The following FGFR3 variants were observed in gnomAD, a reference collection of about 807,000 sequenced individuals.
FGFR3 encodes FGFR-3.
FGFR3 carries 25 observed loss-of-function variants against 82.9 expected under a neutral mutation model. That is an observed-to-expected ratio of 0.30 (90% CI 0.22 to 0.42). The LOEUF (loss-of-function observed/expected upper bound fraction) is 0.42. Among genes scored for constraint, FGFR3 ranks in the 10% least tolerant of loss-of-function variants. FGFR3 has a pLI of 1.00. For synonymous variants in FGFR3, 620 were observed against 516.0 expected, an observed-to-expected ratio of 1.20 and a Z score of -2.73; for missense variants, 1,026 against 1,161.0, an observed-to-expected ratio of 0.88 and a Z score of 1.69.
intron 8 of FGFR3, among the ~76,000 whole-genome samples, 172 bp from the exon 9 acceptor site, chr4:1,804,158 C>T (rs1247116322): frequency 2.0e-5 from 3 of 152,226 alleles, no homozygotes; most frequent in African/African-American, 7.2e-5. Flanking sequence ...CAGGGTCTGG[C>T]CCTCTAGACT....
Position 1,806,299 on chromosome 4 carries a change from G to T in FGFR3, c.2002G>T (p.Asp668Tyr), listed in dbSNP as rs2108808990. The T allele has an allele frequency of 6.6e-7, 1 of 1,524,652 alleles. No homozygotes were observed. The highest frequency in any genetic ancestry group is 1.2e-5 in the South Asian group (1 of 80,588). 94.4% of individuals were successfully genotyped at this position (1,524,652 alleles called of 1,614,324 possible). A position where few individuals can be genotyped will look rare whatever the true frequency, so the allele number is the denominator to read the frequency against. The change falls in exon 15 of 18, where the codon GAC becomes TAC. Residue 668 changes from aspartate to tyrosine, a missense_variant. Asp to Tyr is a radical substitution (Grantham distance 160, BLOSUM62 -3). This residue lies in a region of FGFR3 where 45 missense variants were observed against 80.8 expected (regional missense o/e 0.56). Transcript: ENST00000440486. Reference protein sequence around the residue: ...VKWMAPEALFDRVYTHQSDVW... With the variant: ...VKWMAPEALFYRVYTHQSDVW... Reference sequence around the variant, plus strand: ...GTGGATGGCGCCTGAGGCCTTGTTTGACCGAGTCTACACTCACCAGAGTGA... The same window carrying T: ...GTGGATGGCGCCTGAGGCCTTGTTTTACCGAGTCTACACTCACCAGAGTGA...
At chr4:1,799,937 G>T (rs1024370044) in intron 4 of FGFR3, 125 bp downstream of exon 4, 47 of 1,071,664 alleles carry the variant, frequency 4.4e-5, no homozygotes, top group Non-Finnish European at 5.7e-5. Context: ...CACCCCGAAG[G>T]TCTGGTCCCC....
rs1577299048 is a variant in FGFR3 at position 1,807,911 on chromosome 4, A to G, written c.*649A>G. 3.4e-6 allele frequency: 1 copy of G among 293,516 alleles called. No individual in the cohort carries two copies. Among genetic ancestry groups the G allele is most frequent in the Non-Finnish European group, 6.5e-6 (1 of 153,356 alleles). The allele number at this position is 293,516 out of a possible 1,614,324, so 18.2% of individuals were successfully genotyped here. ...GTATATGGTATATATACATATATAT[A>G]TATAACATATATGGAAGAGGAAAAG... On this transcript the variant is annotated 3_prime_UTR_variant, in exon 18 of 18. Coordinates refer to ENST00000440486, the MANE Select transcript of FGFR3 (RefSeq NM_000142.5).
chr4:1,803,508 G>T (rs888914740), intron 7 of FGFR3, among the ~76,000 whole-genome samples, 184 bp from the exon 8 acceptor site: 4 of 152,374 alleles, frequency 2.6e-5, no homozygotes, highest in Middle Eastern at 3.4e-3. Context: ...CCTGGCTTCG[G>T]GCTCAGTACC....
At chr4:1,793,504 A>T (rs1156706001) in intron 1 of FGFR3, 39 bp downstream of exon 1, 1 of 148,676 alleles carries the variant, frequency 6.7e-6, no homozygotes, top group African/African-American at 2.5e-5. Context: ...GGAGGGGTCC[A>T]ACGGTGCTCG....
rs775140035 is a variant in FGFR3, at chr4:1,802,076, C to T, written c.930+51C>T. 6 of 1,567,776 alleles carry T rather than the reference C, an allele frequency of 3.8e-6. No homozygotes were observed. In the African/African-American group the frequency reaches 5.4e-5, roughly 14 times the overall value. On this transcript the variant is annotated intron_variant, in intron 7 of 17. Transcript: ENST00000440486. The stretch of plus-strand genomic sequence containing the variant: ...CCGCCGCTGGGGCTCCTGGGCTGGC[C>T]CCAAGGGTGCCCCTTGGCTGCGGGT...
chr4:1,806,708 C>T (rs2108812946), intron 16 of FGFR3, 25 bp downstream of exon 16: 1 of 1,568,592 alleles, frequency 6.4e-7, no homozygotes, highest in Non-Finnish European at 8.6e-7. Flanking sequence ...TGGCCCTCCA[C>T]TGGGTCCTCA....
chr4:1,805,030 C>T (rs1721708396), intron 10 of FGFR3, 61 bp downstream of exon 10: 3 of 1,500,786 alleles, frequency 2.0e-6, no homozygotes, highest in African/African-American at 2.8e-5. Flanking sequence ...GTGAAACAGC[C>T]ACCAGTCAGA....
At position 1,807,418 on chromosome 4, in the gene FGFR3, T is replaced by TGC. The variant is rs397821865; in HGVS notation, c.*157_*158dup. On this transcript the variant is annotated 3_prime_UTR_variant, in exon 18 of 18. Transcript: ENST00000440486. ...GTGTGTGCGTGTGTGTGTGTGTGTG[T>TGC]GCACATCCGCGTGTGCCTGTGTGCG... The TGC allele has an allele frequency of 3.9e-6, 3 of 764,884 alleles. No homozygotes were observed. The African/African-American group carries it at 5.4e-5, about 14-fold the overall frequency. 47.4% of individuals were successfully genotyped at this position (764,884 alleles called of 1,614,324 possible).
intron 2 of FGFR3, among the ~76,000 whole-genome samples, chr4:1,796,668 G>A (rs1002963490): frequency 2.6e-5 from 4 of 152,138 alleles, no homozygotes; most frequent in African/African-American, 9.7e-5. Flanking sequence ...CACATGCACT[G>A]GGCCTCCACT....
chr4:1,800,999 C>T (rs1021990175), intron 4 of FGFR3, among the ~76,000 whole-genome samples: 9 of 152,170 alleles, frequency 5.9e-5, no homozygotes, highest in African/African-American at 2.2e-4. Context: ...TAAACTGCTC[C>T]CAGGTCCTGG....
Position 1,808,386 on chromosome 4 carries a change from TC to T in FGFR3, c.*1125del, listed in dbSNP as rs959376577. 4.3e-6 allele frequency: 1 copy of T among 232,554 alleles called. No individual in the cohort carries two copies. Among genetic ancestry groups the T allele is most frequent in the Non-Finnish European group, 8.5e-6 (1 of 117,496 alleles). The allele number at this position is 232,554 out of a possible 1,614,324, so 14.4% of individuals were successfully genotyped here. A position where few individuals can be genotyped will look rare whatever the true frequency, so the allele number is the denominator to read the frequency against. On this transcript the variant is annotated 3_prime_UTR_variant, in exon 18 of 18. Coordinates refer to ENST00000440486, the MANE Select transcript of FGFR3 (RefSeq NM_000142.5). ...GAGAATTAGATTTCTATAGGATTTT[TC>T]TTTAGGAGATTTATTTTTTGGACTT...
In FGFR3 at chr4:1,807,200, T is replaced by TC. The variant is rs1479399501; in HGVS notation, c.2361dup (p.Val788ArgfsTer29). On this transcript the variant is annotated frameshift_variant, in exon 18 of 18. Coordinates refer to ENST00000440486, the MANE Select transcript of FGFR3 (RefSeq NM_000142.5). LOFTEE classifies it low-confidence loss of function (END_TRUNC). Reference sequence around the variant, plus strand: ...CAGCTCCAGCTCCTCAGGGGACGACTCCGTGTTTGCCCACGACCTGCTGCC... The same window carrying TC: ...CAGCTCCAGCTCCTCAGGGGACGACTCCCGTGTTTGCCCACGACCTGCTGCC... 3.1e-6 allele frequency: 5 copies of TC among 1,608,312 alleles called. No homozygotes were observed. The highest frequency in any genetic ancestry group is 4.2e-6 in the Non-Finnish European group (5 of 1,178,250).
Position 1,807,789 on chromosome 4 carries a change from A to G in FGFR3, c.*527A>G. The G allele has an allele frequency of 1.9e-6, 1 of 523,534 alleles. No homozygotes were observed. The highest frequency in any genetic ancestry group is 1.6e-5 in the South Asian group (1 of 61,596). 32.4% of individuals were successfully genotyped at this position (523,534 alleles called of 1,614,324 possible). ...TCCCACTTCCCACCCTGCCCCTCAGAGACTGAAATTACGGGTACCTGAAGA... is the reference window on the plus strand; with the variant it reads ...TCCCACTTCCCACCCTGCCCCTCAGGGACTGAAATTACGGGTACCTGAAGA... On this transcript the variant is annotated 3_prime_UTR_variant, in exon 18 of 18. Coordinates refer to ENST00000440486, the MANE Select transcript of FGFR3 (RefSeq NM_000142.5).
intron 7 of FGFR3, chr4:1,802,763 A>C: frequency 1.0e-6 from 1 of 970,972 alleles, no homozygotes; most frequent in South Asian, 1.9e-5. Flanking sequence ...AACCACAGCC[A>C]CCGTGAAGTG....
At chr4:1,797,574 C>T (rs1426657977) in intron 2 of FGFR3, among the ~76,000 whole-genome samples, 2 of 152,248 alleles carry the variant, frequency 1.3e-5, no homozygotes, top group African/African-American at 2.4e-5. Flanking sequence ...GGCTGTTGCC[C>T]TTGGGCCAGG....
In FGFR3 at chr4:1,801,353, A is replaced by G. The variant is rs1341019056; in HGVS notation, c.446-14A>G. 23 of 1,548,936 alleles carry G rather than the reference A, an allele frequency of 1.5e-5. No homozygotes were observed. The highest frequency in any genetic ancestry group is 1.8e-5 in the Non-Finnish European group (21 of 1,149,196). On this transcript the variant is annotated splice_polypyrimidine_tract_variant and intron_variant, in intron 4 of 17. Coordinates refer to ENST00000440486, the MANE Select transcript of FGFR3 (RefSeq NM_000142.5). ...CACTCGGGTCATGGCCTTCACACGC[A>G]CCTCGGCCCGCAGGGGCCCCTTACT...
intron 2 of FGFR3, among the ~76,000 whole-genome samples, chr4:1,798,582 G>A (rs954927288): frequency 1.4e-4 from 18 of 129,472 alleles, no homozygotes; most frequent in South Asian, 2.8e-4. Context: ...TGCTCTGACC[G>A]GTGAACCCGC....
chr4:1,800,284 TGAGA>T (rs1313175999), intron 4 of FGFR3, among the ~76,000 whole-genome samples: 1 of 150,784 alleles, frequency 6.6e-6, no homozygotes, highest in Admixed American at 6.6e-5. Flanking sequence ...GCTGCGGCTG[TGAGA>T]GAGCAGTCGG....
Sources: gnomAD v4.1 joint callset for allele counts (sites outside exome capture counted in the v4.1 genomes callset) on GRCh38, gnomAD v4.1.1 for gene constraint, gnomAD v4.1.1 regional missense constraint, MANE v1.5 for transcripts, NCBI Gene and HGNC (gene_info 2026-07-23, HGNC 2026-07-21) for gene names.